MOB3B: variants seen among roughly 807,000 people sequenced by gnomAD.
MOB3B encodes the protein MOB kinase activator 3B.
A neutral mutation model predicts 18.7 loss-of-function variants in MOB3B; 7 were observed. The observed-to-expected ratio is 0.37, with a 90% CI of 0.21 to 0.70. MOB3B has a LOEUF of 0.70. Ranked by LOEUF, MOB3B falls within the 30% of genes least tolerant of loss-of-function variation. The pLI, the probability that MOB3B is intolerant of heterozygous loss-of-function variation, is 0.52. For missense variants in MOB3B, 253 were observed against 281.3 expected, an observed-to-expected ratio of 0.90 and a Z score of 0.72; for synonymous variants, 111 against 99.9, an observed-to-expected ratio of 1.11 and a Z score of -0.66.
intron 3 of MOB3B, among the ~76,000 whole-genome samples, chr9:27,343,572 A>G (rs573460314): frequency 6.6e-6 from 1 of 151,916 alleles, no homozygotes; most frequent in Non-Finnish European, 1.5e-5. Flanking sequence ...TCAGACTCCC[A>G]GTGAATGATC....
At chr9:27,360,377 C>T (rs574208761) in intron 2 of MOB3B, among the ~76,000 whole-genome samples, 10 of 152,242 alleles carry the variant, frequency 6.6e-5, no homozygotes, top group Admixed American at 2.6e-4. Flanking sequence ...ATGTGGCGTG[C>T]GCCTGTAATC....
At chr9:27,467,301 C>T (rs10115672) in intron 1 of MOB3B, among the ~76,000 whole-genome samples, 2 of 152,116 alleles carry the variant, frequency 1.3e-5, no homozygotes, top group Non-Finnish European at 2.9e-5. Flanking sequence ...GCTTTAATTT[C>T]TTTCTTTGTT....
chr9:27,426,688 C>A (rs1004153757), intron 2 of MOB3B, among the ~76,000 whole-genome samples: 1 of 152,210 alleles, frequency 6.6e-6, no homozygotes, highest in African/African-American at 2.4e-5. Flanking sequence ...CTGTCCCCCC[C>A]TGCCCGACTC....
At chr9:27,351,783 G>GT (rs1219662776) in intron 3 of MOB3B, among the ~76,000 whole-genome samples, 2 of 152,194 alleles carry the variant, frequency 1.3e-5, no homozygotes, top group Non-Finnish European at 2.9e-5. Flanking sequence ...TGAGAGAAGT[G>GT]TATGTGTGGC....
intron 3 of MOB3B, among the ~76,000 whole-genome samples, chr9:27,334,300 G>A (rs950826630): frequency 5.9e-5 from 9 of 151,944 alleles, no homozygotes; most frequent in African/African-American, 1.7e-4. Context: ...TGTCCTTTGC[G>A]GAGTCTGAAG....
chr9:27,357,919 A>G (rs1821217418), intron 3 of MOB3B, among the ~76,000 whole-genome samples: 1 of 128,168 alleles, frequency 7.8e-6, no homozygotes, highest in Admixed American at 8.0e-5. Context: ...AAAAAAAAAA[A>G]AATAGCCATG....
intron 2 of MOB3B, among the ~76,000 whole-genome samples, chr9:27,373,787 C>G (rs1403667230): frequency 1.3e-5 from 2 of 152,242 alleles, no homozygotes; most frequent in African/African-American, 4.8e-5. Context: ...AAAAAACCAA[C>G]AAACTCTGCA....
chr9:27,453,039 G>A (rs4406503), intron 2 of MOB3B, among the ~76,000 whole-genome samples: 19,238 of 152,180 alleles, frequency 0.13, 1,292 homozygotes, highest in African/African-American at 0.17. Context: ...GTTGTTAATG[G>A]GGAAGAGAGG....
chr9:27,431,416 G>C (rs1054348838), intron 2 of MOB3B, among the ~76,000 whole-genome samples: 3 of 152,180 alleles, frequency 2.0e-5, no homozygotes, highest in African/African-American at 7.2e-5. Context: ...AATCTTCTTG[G>C]ATATTTCTTC....
chr9:27,507,472 A>G (rs1271560601), intron 1 of MOB3B, among the ~76,000 whole-genome samples: 1 of 152,182 alleles, frequency 6.6e-6, no homozygotes, highest in Admixed American at 6.5e-5. Flanking sequence ...CCAAATGTCA[A>G]CTGGTCTAGA....
Position 27,330,610 on chromosome 9 carries a change from T to C in MOB3B, c.628A>G (p.Met210Val). ...DRKELEPLKE[M>V]TSRMCH Reference sequence around the variant, plus strand: ...CATTAGTGACACATCCTGCTCGTCATTTCTTTCTGGAAAGCAAGGGGAAAA... The same window carrying C: ...CATTAGTGACACATCCTGCTCGTCACTTCTTTCTGGAAAGCAAGGGGAAAA... The change falls in exon 4 of 4, where the codon ATG (methionine) becomes GTG (valine). Residue 210 changes from methionine (M) to valine (V), a missense_variant. Met to Val is a conservative substitution (Grantham distance 21). Coordinates refer to ENST00000262244, the MANE Select transcript of MOB3B (RefSeq NM_024761.5). 1.2e-6 allele frequency: 2 copies of C among 1,614,084 alleles called. No homozygotes were observed. Among genetic ancestry groups the C allele is most frequent in the South Asian group, 1.1e-5 (1 of 91,052 alleles).
rs116548688 is a variant in MOB3B at position 27,454,854 on chromosome 9, C to G, written c.418+279G>C. ...CAAGATAAGTGAGTGAGTCTGACAT[C>G]TAGTCCTAAGAAAGCCAACACAATC... On this transcript the variant is annotated intron_variant, in intron 2 of 3. Transcript: ENST00000262244. 9.7e-4 allele frequency among the ~76,000 whole-genome samples: 147 copies of G among 152,302 alleles called. 1 individual carries two copies. Among genetic ancestry groups the G allele is most frequent in the African/African-American group, 3.5e-3 (144 of 41,566 alleles).
chr9:27,443,696 T>G lies in MOB3B; in HGVS notation c.418+11437A>C, dbSNP rs185925619. Among the ~76,000 whole-genome samples, 25 of 152,320 alleles carry G rather than the reference T, an allele frequency of 1.6e-4. No individual in the cohort carries two copies. In the East Asian group the frequency reaches 4.6e-3, roughly 28 times the overall value. On this transcript the variant is annotated intron_variant, in intron 2 of 3. Coordinates refer to ENST00000262244, the MANE Select transcript of MOB3B (RefSeq NM_024761.5). ...CGTCTTCTATTCTCATACACCCACC[T>G]TGAGTTGCCCCAAGGGCTGGGCACT...
In MOB3B at chr9:27,328,756, G is replaced by T. The variant is rs1218062716; in HGVS notation, c.*1831C>A. The T allele has an allele frequency of 1.3e-5, 2 of 152,560 alleles. No homozygotes were observed. The highest frequency in any genetic ancestry group is 4.8e-5 in the African/African-American group (2 of 41,462). The allele number at this position is 152,560 out of a possible 1,614,324, so 9.5% of individuals were successfully genotyped here. A position where few individuals can be genotyped will look rare whatever the true frequency, so the allele number is the denominator to read the frequency against. ...TCCCATCTGGTAACTGTGTATTGCA[G>T]AGGCTGGGACTTAGGGGCTCTTGTT... On this transcript the variant is annotated 3_prime_UTR_variant, in exon 4 of 4. Coordinates refer to ENST00000262244, the MANE Select transcript of MOB3B (RefSeq NM_024761.5).
intron 2 of MOB3B, among the ~76,000 whole-genome samples, chr9:27,370,326 T>C (rs1821398300): frequency 6.6e-6 from 1 of 151,988 alleles, no homozygotes; most frequent in Admixed American, 6.6e-5. Context: ...CTGACCAACA[T>C]GGAGAAACCC....
chr9:27,411,883 C>T (rs1480680544), intron 2 of MOB3B, among the ~76,000 whole-genome samples: 1 of 152,134 alleles, frequency 6.6e-6, no homozygotes, highest in Non-Finnish European at 1.5e-5. Context: ...AACAAATGTG[C>T]TGCACTAATG....
chr9:27,527,835 A>G (rs1820459306), intron 1 of MOB3B, among the ~76,000 whole-genome samples: 1 of 152,204 alleles, frequency 6.6e-6, no homozygotes, highest in Admixed American at 6.5e-5. Context: ...CAGAGTAGCT[A>G]CTTTGCTTTT....
At chr9:27,436,858 A>T (rs1218915713) in intron 2 of MOB3B, among the ~76,000 whole-genome samples, 1 of 152,232 alleles carries the variant, frequency 6.6e-6, no homozygotes, top group South Asian at 2.1e-4. Flanking sequence ...CTCCCAAAGG[A>T]AGGAGAAATT....
At chr9:27,437,270 T>A (rs1761154691) in intron 2 of MOB3B, among the ~76,000 whole-genome samples, 1 of 152,224 alleles carries the variant, frequency 6.6e-6, no homozygotes, top group South Asian at 2.1e-4. Context: ...GGGCTACAGT[T>A]GTGCCCTTCT....
Sources: gnomAD v4.1 joint callset for allele counts (sites outside exome capture counted in the v4.1 genomes callset) on GRCh38, gnomAD v4.1.1 for gene constraint, MANE v1.5 for transcripts, NCBI Gene and HGNC (gene_info 2026-07-23, HGNC 2026-07-21) for gene names.